The following FIP1L1 variants were observed in gnomAD, a reference collection of about 807,000 sequenced individuals.
The protein encoded by FIP1L1 is pre-mRNA 3'-end-processing factor FIP1.
A neutral mutation model predicts 84.6 loss-of-function variants in FIP1L1; 21 were observed. The observed-to-expected ratio is 0.25, with a 90% confidence interval of 0.18 to 0.36. The LOEUF is 0.36. FIP1L1 is among the 10% of genes least tolerant of loss of function. The probability of loss-of-function intolerance (pLI) is 1.00; values close to 1 mark genes in which losing one functional copy is unlikely to be tolerated. For synonymous variants in FIP1L1, 263 were observed against 242.3 expected (o/e 1.09, Z -0.80); for missense variants, 526 against 751.1 (o/e 0.70, Z 3.50).
intron 5 of FIP1L1, among the ~76,000 whole-genome samples, chr4:53,389,548 T>A (rs951544897): frequency 1.3e-5 from 2 of 152,186 alleles, no homozygotes; most frequent in Admixed American, 6.5e-5. Context: ...CTGGGCACGG[T>A]GGCTCACTCT....
chr4:53,456,046 T>A (rs143065419), intron 16 of FIP1L1, among the ~76,000 whole-genome samples: 159 of 152,254 alleles, frequency 1.0e-3, no homozygotes, highest in Middle Eastern at 3.4e-3. Context: ...ATTAAGTGCA[T>A]GATTCTTCTA....
chr4:53,411,708 C>T (rs1757308509), intron 10 of FIP1L1, among the ~76,000 whole-genome samples: 2 of 152,066 alleles, frequency 1.3e-5, no homozygotes, highest in Admixed American at 1.3e-4. Context: ...TGTTGATATG[C>T]TTGCACAGAA....
chr4:53,435,305 G>A (rs1177019765), intron 13 of FIP1L1, among the ~76,000 whole-genome samples: 1 of 152,078 alleles, frequency 6.6e-6, no homozygotes, highest in African/African-American at 2.4e-5. Context: ...TTCTCCTCCA[G>A]GATGCACCCT....
At chr4:53,446,197 C>T (rs964273638) in intron 15 of FIP1L1, among the ~76,000 whole-genome samples, 3 of 138,968 alleles carry the variant, frequency 2.2e-5, no homozygotes, top group African/African-American at 8.5e-5. Flanking sequence ...TCCCCTTCTC[C>T]CCTTTTTTTT....
chr4:53,406,753 G>A lies in FIP1L1; in HGVS notation c.815+6914G>A, dbSNP rs181040356. On this transcript the variant is annotated intron_variant, in intron 10 of 17. Transcript: ENST00000337488. The stretch of plus-strand genomic sequence containing the variant: ...TTAGTCTTGGGAGGGTGTATGTGTC[G>A]AGGAATTTATCCATGTCTTCTAGAT... Among the ~76,000 whole-genome samples the A allele has an allele frequency of 3.4e-4, 52 of 152,228 alleles. No individual in the cohort carries two copies. The East Asian group carries it at 6.2e-3, about 18-fold the overall frequency.
At chr4:53,407,609 G>T (rs1037221322) in intron 10 of FIP1L1, among the ~76,000 whole-genome samples, 3 of 145,794 alleles carry the variant, frequency 2.1e-5, no homozygotes, top group African/African-American at 5.5e-5. Context: ...TGACAGTGGG[G>T]TGTTAAGTCT....
Position 53,459,736 on chromosome 4 carries a change from TAC to T in FIP1L1, c.*291_*292del, listed in dbSNP as rs1404657329. On this transcript the variant is annotated 3_prime_UTR_variant, in exon 18 of 18. Coordinates refer to ENST00000337488, the MANE Select transcript of FIP1L1 (RefSeq NM_030917.4). ...TAAAGAGCTGTGTTAGCTGTGTACA[TAC>T]ACAGATTATCTGAGAAAAGGTCAAG... is the stretch of plus-strand genomic sequence containing the variant. 1.6e-5 allele frequency: 6 copies of T among 383,134 alleles called. No individual in the cohort carries two copies. Among genetic ancestry groups the T allele is most frequent in the Non-Finnish European group, 2.4e-5 (5 of 210,536 alleles). The allele number at this position is 383,134 out of a possible 1,614,324, so 23.7% of individuals were successfully genotyped here.
At chr4:53,452,826 G>C in intron 15 of FIP1L1, 94 bp from the exon 16 acceptor site, 1 of 859,120 alleles carries the variant, frequency 1.2e-6, no homozygotes, top group Non-Finnish European at 1.9e-6. Flanking sequence ...TTTATAAAAT[G>C]AATTTCTATT....
chr4:53,410,160 C>G (rs796877538), intron 10 of FIP1L1, among the ~76,000 whole-genome samples: 3 of 152,170 alleles, frequency 2.0e-5, no homozygotes, highest in African/African-American at 7.2e-5. Flanking sequence ...CACTTTTCAT[C>G]GCACATCACA....
At chr4:53,396,923 T>TA (rs374609057) in intron 9 of FIP1L1, among the ~76,000 whole-genome samples, 3 of 151,750 alleles carry the variant, frequency 2.0e-5, no homozygotes, top group African/African-American at 7.3e-5. Flanking sequence ...GAGCATTTTT[T>TA]AACAAAATTA....
intron 3 of FIP1L1, 137 bp downstream of exon 3, chr4:53,379,401 C>T: frequency 2.6e-6 from 2 of 775,244 alleles, no homozygotes; most frequent in Non-Finnish European, 4.2e-6. Context: ...ACATTGAATC[C>T]TTTAAGGATT....
chr4:53,402,108 G>T (rs1294863527), intron 10 of FIP1L1, among the ~76,000 whole-genome samples: 2 of 152,156 alleles, frequency 1.3e-5, no homozygotes, highest in African/African-American at 4.8e-5. Flanking sequence ...GTTTCAAGGA[G>T]AAATGTCAGC....
At chr4:53,456,283 ATTC>A (rs1450867467) in intron 16 of FIP1L1, among the ~76,000 whole-genome samples, 1 of 152,148 alleles carries the variant, frequency 6.6e-6, no homozygotes, top group Non-Finnish European at 1.5e-5. Flanking sequence ...AAATCCTCTA[ATTC>A]TTCTGCTTCA....
At chr4:53,419,582 A>G (rs186289326) in intron 11 of FIP1L1, among the ~76,000 whole-genome samples, 2 of 152,210 alleles carry the variant, frequency 1.3e-5, no homozygotes. Flanking sequence ...CTGGGACTAC[A>G]GGCATGCCCA....
intron 11 of FIP1L1, among the ~76,000 whole-genome samples, chr4:53,417,002 T>A (rs1759787196): frequency 6.6e-6 from 1 of 152,210 alleles, no homozygotes; most frequent in African/African-American, 2.4e-5. Flanking sequence ...ATTTTCAATG[T>A]AATTTTAAAC....
chr4:53,413,711 T>A (rs1184619244), intron 10 of FIP1L1, among the ~76,000 whole-genome samples: 1 of 152,158 alleles, frequency 6.6e-6, no homozygotes, highest in Non-Finnish European at 1.5e-5. Context: ...CCTACAGAGT[T>A]GTTATATTAA....
At chr4:53,418,418 G>A (rs1232585534) in intron 11 of FIP1L1, among the ~76,000 whole-genome samples, 1 of 152,200 alleles carries the variant, frequency 6.6e-6, no homozygotes, top group East Asian at 1.9e-4. Flanking sequence ...ATCTGTAAGT[G>A]TTTTTCAAAC....
chr4:53,399,799 TCTC>T lies in FIP1L1; in HGVS notation c.781_783del (p.Pro261del), dbSNP rs779469853. 2.0e-5 allele frequency: 32 copies of T among 1,613,606 alleles called. No individual in the cohort carries two copies. Among genetic ancestry groups the T allele is most frequent in the South Asian group, 1.1e-4 (10 of 91,062 alleles). On this transcript the variant is annotated inframe_deletion, in exon 10 of 18. Transcript: ENST00000337488. The stretch of plus-strand genomic sequence containing the variant: ...TCCATCTACAAAAGCTGAGTTTACT[TCTC>T]CTCCTTCTTTGTTCAAGACTGGGCT...
chr4:53,453,178 C>G, intron 16 of FIP1L1, 45 bp downstream of exon 16: 1 of 1,598,396 alleles, frequency 6.3e-7, no homozygotes, highest in Non-Finnish European at 8.6e-7. Context: ...TTTATAAGCA[C>G]TTACAAATTT....
Sources: gnomAD v4.1 joint callset for allele counts (sites outside exome capture counted in the v4.1 genomes callset) on GRCh38, gnomAD v4.1.1 for gene constraint, MANE v1.5 for transcripts, NCBI Gene and HGNC (gene_info 2026-07-23, HGNC 2026-07-21) for gene names.